B4GALT5: variants seen among roughly 807,000 people sequenced by gnomAD.
B4GALT5 encodes beta-1,4-galactosyltransferase 5, also known as UDP-Gal:beta-GlcNAc beta-1,4-galactosyltransferase 5.
A neutral mutation model predicts 45.0 loss-of-function variants in B4GALT5; 11 were observed. That is an observed-to-expected ratio of 0.24 (90% CI 0.15 to 0.40). B4GALT5 has a LOEUF of 0.40. Among genes scored for constraint, B4GALT5 ranks in the 10% least tolerant of loss-of-function variants. The pLI, the probability that B4GALT5 is intolerant of heterozygous loss-of-function variation, is 1.00. For synonymous variants in B4GALT5, 185 were observed against 182.9 expected, an observed-to-expected ratio of 1.01 and a Z score of -0.09; for missense variants, 337 against 500.2, an observed-to-expected ratio of 0.67 and a Z score of 3.11.
intron 5 of B4GALT5, among the ~76,000 whole-genome samples, chr20:49,641,331 C>CT (rs1178734814): frequency 6.6e-6 from 1 of 152,242 alleles, no homozygotes; most frequent in African/African-American, 2.4e-5. Context: ...CAACCAATCT[C>CT]TAACTGTTCA....
chr20:49,692,201 G>A (rs778332278), intron 1 of B4GALT5, among the ~76,000 whole-genome samples: 1 of 151,500 alleles, frequency 6.6e-6, no homozygotes, highest in East Asian at 1.9e-4. Flanking sequence ...AAAAACAATA[G>A]GTATGTTGAG....
rs1386265069 is a variant in B4GALT5, at chr20:49,710,133, T to C, written c.115+3443A>G. On this transcript the variant is annotated intron_variant, in intron 1 of 8. Coordinates refer to ENST00000371711, the MANE Select transcript of B4GALT5 (RefSeq NM_004776.4). The stretch of plus-strand genomic sequence containing the variant: ...TCTTATTTCAAATTCAAGTCTACTA[T>C]TTCTGAATCTCTTGGAGTGATGATA... Among the ~76,000 whole-genome samples, 2 of 152,214 alleles carry C rather than the reference T, an allele frequency of 1.3e-5. 1 individual carries two copies. Among genetic ancestry groups the C allele is most frequent in the Admixed American group, 1.3e-4 (2 of 15,284 alleles).
At chr20:49,693,341 A>C (rs1330468037) in intron 1 of B4GALT5, among the ~76,000 whole-genome samples, 1 of 152,220 alleles carries the variant, frequency 6.6e-6, no homozygotes, top group Non-Finnish European at 1.5e-5. Flanking sequence ...TATCAGGTAG[A>C]AACTAATATC....
chr20:49,640,357 A>G (rs1337339511), intron 6 of B4GALT5, 121 bp downstream of exon 6: 4 of 838,580 alleles, frequency 4.8e-6, no homozygotes, highest in Middle Eastern at 3.6e-4. Flanking sequence ...GGATACACAC[A>G]TTTTGTTTAT....
At chr20:49,676,418 G>C (rs935351970) in intron 1 of B4GALT5, among the ~76,000 whole-genome samples, 4 of 152,162 alleles carry the variant, frequency 2.6e-5, no homozygotes, top group African/African-American at 9.7e-5. Context: ...CTAATACTAA[G>C]TAATTTCTGA....
At chr20:49,701,312 T>C (rs2085860495) in intron 1 of B4GALT5, among the ~76,000 whole-genome samples, 1 of 152,178 alleles carries the variant, frequency 6.6e-6, no homozygotes, top group South Asian at 2.1e-4. Context: ...CACATTTAGA[T>C]AAATACATTT....
At chr20:49,667,614 T>C (rs1019127393) in intron 1 of B4GALT5, among the ~76,000 whole-genome samples, 4 of 152,186 alleles carry the variant, frequency 2.6e-5, no homozygotes, top group Middle Eastern at 3.4e-3. Context: ...GGCACGATCA[T>C]GGCTCACTGC....
intron 1 of B4GALT5, chr20:49,684,652 G>A: frequency 1.9e-6 from 1 of 518,784 alleles, no homozygotes; most frequent in South Asian, 1.4e-5. Context: ...AGTAAGTACT[G>A]ATCTACAACA....
intron 1 of B4GALT5, among the ~76,000 whole-genome samples, chr20:49,697,631 C>T (rs1807133248): frequency 1.3e-5 from 2 of 148,908 alleles, no homozygotes; most frequent in African/African-American, 5.0e-5. Context: ...TTTAGTAAGA[C>T]ATCTGAACAA....
intron 1 of B4GALT5, among the ~76,000 whole-genome samples, chr20:49,702,698 T>C (rs1183285463): frequency 6.6e-6 from 1 of 151,458 alleles, no homozygotes; most frequent in Non-Finnish European, 1.5e-5. Flanking sequence ...CTACAAATAA[T>C]GTAAAAATCA....
chr20:49,656,880 T>C (rs1386274238), intron 1 of B4GALT5, among the ~76,000 whole-genome samples, 178 bp from the exon 2 acceptor site: 1 of 152,136 alleles, frequency 6.6e-6, no homozygotes, highest in Non-Finnish European at 1.5e-5. Context: ...CAACATCTTT[T>C]GGGTAGCTAG....
At chr20:49,688,983 A>G (rs1457002800) in intron 1 of B4GALT5, among the ~76,000 whole-genome samples, 2 of 152,050 alleles carry the variant, frequency 1.3e-5, no homozygotes, top group East Asian at 3.9e-4. Flanking sequence ...ATATTGGGTA[A>G]GACAGAGCAA....
In B4GALT5 at chr20:49,652,986, C is replaced by T. The variant is rs1483686092; in HGVS notation, c.250+3582G>A. ...GCCCAGAATACCCTCTCTGACTGTG[C>T]TAGGTAGACAACTGCTTTGAAATGA... On this transcript the variant is annotated intron_variant, in intron 2 of 8. Coordinates refer to ENST00000371711, the MANE Select transcript of B4GALT5 (RefSeq NM_004776.4). Among the ~76,000 whole-genome samples, 3 of 152,196 alleles carry T rather than the reference C, an allele frequency of 2.0e-5. No homozygotes were observed. In the East Asian group the frequency reaches 5.8e-4, roughly 29 times the overall value.
intron 1 of B4GALT5, chr20:49,684,643 G>GT (rs766863775): frequency 1.9e-6 from 1 of 518,900 alleles, no homozygotes; most frequent in Non-Finnish European, 3.8e-6. Flanking sequence ...GTGCCATACA[G>GT]TAAGTACTGA....
chr20:49,671,839 T>C (rs777327865), intron 1 of B4GALT5, among the ~76,000 whole-genome samples: 2 of 80,932 alleles, frequency 2.5e-5, no homozygotes, highest in Non-Finnish European at 5.3e-5. Context: ...GGGCAGGGTC[T>C]TTTTCTTTTC....
intron 1 of B4GALT5, among the ~76,000 whole-genome samples, chr20:49,712,717 GAAGA>G (rs2085920015): frequency 6.6e-6 from 1 of 150,844 alleles, no homozygotes; most frequent in East Asian, 2.0e-4. Context: ...GGCAGAAGTG[GAAGA>G]AAGAACACAG....
chr20:49,686,674 G>A (rs1254789233), intron 1 of B4GALT5, among the ~76,000 whole-genome samples: 1 of 143,316 alleles, frequency 7.0e-6, no homozygotes, highest in Non-Finnish European at 1.5e-5. Context: ...ACCTCTTGAG[G>A]CCAAGGGTTC....
In B4GALT5 at chr20:49,636,240, C is replaced by T. The variant is rs572553139; in HGVS notation, c.*72G>A. 3.8e-6 allele frequency: 6 copies of T among 1,560,968 alleles called. No homozygotes were observed. The highest frequency in any genetic ancestry group is 4.4e-6 in the Non-Finnish European group (5 of 1,142,956). Reference sequence around the variant, plus strand: ...GTTCTCTTGCTGTGTAGACCCTCCCCCCTCCAAAAAAAAATCTCATCGGAC... The same window carrying T: ...GTTCTCTTGCTGTGTAGACCCTCCCTCCTCCAAAAAAAAATCTCATCGGAC... On this transcript the variant is annotated 3_prime_UTR_variant, in exon 9 of 9. Transcript: ENST00000371711.
chr20:49,637,662 G>C (rs1454943439), intron 7 of B4GALT5, among the ~76,000 whole-genome samples: 1 of 152,054 alleles, frequency 6.6e-6, no homozygotes, highest in African/African-American at 2.4e-5. Flanking sequence ...GGCTGGGCTA[G>C]GTGGCTCGTG....
Sources: gnomAD v4.1 joint callset for allele counts (sites outside exome capture counted in the v4.1 genomes callset) on GRCh38, gnomAD v4.1.1 for gene constraint, MANE v1.5 for transcripts, NCBI Gene and HGNC (gene_info 2026-07-23, HGNC 2026-07-21) for gene names.